The following ALB variants were observed in gnomAD, a reference collection of about 807,000 sequenced individuals.
The protein encoded by ALB is serum albumin.
A neutral mutation model predicts 74.5 loss-of-function variants in ALB; 37 were observed. The ratio of observed to expected loss-of-function variants is 0.50; its 90% CI spans 0.38 to 0.65. The LOEUF is 0.65. Among genes scored for constraint, ALB ranks in the 30% least tolerant of loss-of-function variants. ALB has a pLI of 0.00. For missense variants in ALB, 685 were observed against 718.7 expected, an observed-to-expected ratio of 0.95 and a Z score of 0.54; for synonymous variants, 249 against 251.6, an observed-to-expected ratio of 0.99 and a Z score of 0.10.
rs769214494 is a variant in ALB, at chr4:73,411,962, A to C, written c.714-34A>C. 4 of 1,613,614 alleles carry C rather than the reference A, an allele frequency of 2.5e-6. No homozygotes were observed. In the Admixed American group the frequency reaches 6.7e-5, roughly 27 times the overall value. On this transcript the variant is annotated intron_variant, in intron 6 of 14. Coordinates refer to ENST00000295897, the MANE Select transcript of ALB (RefSeq NM_000477.7). ...GTGTTTTCATATAAAATATCGCATG[A>C]TAATACCATTTTGATTGGCGATTTT... is the stretch of plus-strand genomic sequence containing the variant.
At position 73,417,573 on chromosome 4, in the gene ALB, T is replaced by G; in HGVS notation, c.1332T>G (p.Thr444=). 6.2e-7 allele frequency: 1 copy of G among 1,613,996 alleles called. No homozygotes were observed. The highest frequency in any genetic ancestry group is 1.1e-5 in the South Asian group (1 of 91,070). ...RYTKKVPQVS[T]PTLVEVSRNL... ...CCAAGAAAGTACCCCAAGTGTCAAC[T>G]CCAACTCTTGTAGAGGTCTCAAGAA... Residue 444 remains threonine, a synonymous_variant, in exon 11 of 15, where the codon ACT becomes ACG. Transcript: ENST00000295897.
chr4:73,408,877 A>C lies in ALB; in HGVS notation c.482+72A>C, dbSNP rs1455917690. On this transcript the variant is annotated intron_variant, in intron 4 of 14. Transcript: ENST00000295897. ...ACTCCATAGGCCAACACTCTATAAA[A>C]ATTACCATAACAAAAATATTTTCAA... The C allele has an allele frequency of 5.5e-6, 7 of 1,261,334 alleles. No homozygotes were observed. In the Admixed American group the frequency reaches 1.5e-4, roughly 27 times the overall value. 78.1% of individuals were successfully genotyped at this position (1,261,334 alleles called of 1,614,324 possible). A position where few individuals can be genotyped will look rare whatever the true frequency, so the allele number is the denominator to read the frequency against.
In ALB at chr4:73,418,308, A is replaced by T; in HGVS notation, c.1649A>T (p.Gln550Leu). The T allele has an allele frequency of 6.2e-7, 1 of 1,611,456 alleles. No homozygotes were observed. The highest frequency in any genetic ancestry group is 8.5e-7 in the Non-Finnish European group (1 of 1,178,152). ...LSEKERQIKKQTALVELVKHK... is the reference protein window; with the variant it reads ...LSEKERQIKKLTALVELVKHK... Reference sequence around the variant, plus strand: ...GAGAAGGAGAGACAAATCAAGAAACAAACGTGAGGAGTATTTCATTACTGC... The same window carrying T: ...GAGAAGGAGAGACAAATCAAGAAACTAACGTGAGGAGTATTTCATTACTGC... Residue 550 changes from glutamine (Q) to leucine (L), a missense_variant, in exon 12 of 15, where the codon CAA (glutamine) becomes CTA (leucine). By Grantham distance (113) the Gln-to-Leu change is moderately radical. Transcript: ENST00000295897.
In ALB at chr4:73,413,550, A is replaced by G. The variant is rs1488741659; in HGVS notation, c.974A>G (p.Asp325Gly). Reference protein sequence around the residue: ...AEVENDEMPADLPSLAADFVE... With the variant: ...AEVENDEMPAGLPSLAADFVE... Reference sequence around the variant, plus strand: ...GTGGAAAATGATGAGATGCCTGCTGACTTGCCTTCATTAGCTGCTGATTTT... The same window carrying G: ...GTGGAAAATGATGAGATGCCTGCTGGCTTGCCTTCATTAGCTGCTGATTTT... The change falls in exon 8 of 15, where the codon GAC (aspartate) becomes GGC (glycine). Residue 325 changes from aspartate (D) to glycine (G), a missense_variant. Transcript: ENST00000295897. 6.2e-7 allele frequency: 1 copy of G among 1,614,184 alleles called. No individual in the cohort carries two copies. Among genetic ancestry groups the G allele is most frequent in the Non-Finnish European group, 8.5e-7 (1 of 1,180,024 alleles).
intron 9 of ALB, 84 bp from the exon 10 acceptor site, chr4:73,416,172 T>A (rs114573198): frequency 7.7e-4 from 743 of 967,042 alleles, no homozygotes; most frequent in Non-Finnish European, 9.9e-4. Flanking sequence ...GAAGAAAGGA[T>A]ATCATTCTGA....
chr4:73,414,195 T>C (rs1718954074), intron 8 of ALB, among the ~76,000 whole-genome samples: 1 of 152,210 alleles, frequency 6.6e-6, no homozygotes, highest in Non-Finnish European at 1.5e-5. Flanking sequence ...AAACTGCATT[T>C]TTGTTGTTGG....
intron 8 of ALB, among the ~76,000 whole-genome samples, chr4:73,414,753 C>A (rs993768386): frequency 6.6e-6 from 1 of 152,166 alleles, no homozygotes; most frequent in Non-Finnish European, 1.5e-5. Context: ...CTGTGCCCAG[C>A]CGACAGATAC....
intron 3 of ALB, among the ~76,000 whole-genome samples, chr4:73,408,199 A>G (rs1167925850): frequency 6.6e-5 from 10 of 152,204 alleles, no homozygotes; most frequent in Non-Finnish European, 1.5e-4. Flanking sequence ...AAAGGGGGCA[A>G]ATGAAATGAG....
intron 10 of ALB, 39 bp from the exon 11 acceptor site, chr4:73,417,492 T>G: frequency 6.2e-7 from 1 of 1,612,888 alleles, no homozygotes; most frequent in Non-Finnish European, 8.5e-7. Flanking sequence ...GTTAGACAGT[T>G]TCTTGCCTTG....
Position 73,413,422 on chromosome 4 carries a change from G to A in ALB, c.846G>A (p.Ala282=), listed in dbSNP as rs1718928314. 6.8e-6 allele frequency: 11 copies of A among 1,613,134 alleles called. No individual in the cohort carries two copies. The highest frequency in any genetic ancestry group is 4.5e-5 in the East Asian group (2 of 44,884). Residue 282 remains alanine (A), a splice_region_variant and synonymous_variant, in exon 8 of 15, where the codon GCG becomes GCA. Coordinates refer to ENST00000295897, the MANE Select transcript of ALB (RefSeq NM_000477.7). ...GDLLECADDR[A]DLAKYICENQ... is the part of the protein sequence containing the mutation. Reference sequence around the variant, plus strand: ...AATTTCCACCAACTTACTTATAGGCGGACCTTGCCAAGTATATCTGTGAAA... The same window carrying A: ...AATTTCCACCAACTTACTTATAGGCAGACCTTGCCAAGTATATCTGTGAAA...
At chr4:73,417,390 C>T in intron 10 of ALB, 141 bp from the exon 11 acceptor site, 2 of 1,096,764 alleles carry the variant, frequency 1.8e-6, no homozygotes, top group South Asian at 2.6e-5. Flanking sequence ...CCTCCACTAA[C>T]CCACTACTCT....
rs200564366 is a variant in ALB, at chr4:73,413,591, G to A, written c.1015G>A (p.Val339Ile). 3.7e-6 allele frequency: 6 copies of A among 1,614,182 alleles called. No homozygotes were observed. The East Asian group carries it at 8.9e-5, about 24-fold the overall frequency. ...LAADFVESKD[V>I]CKNYAEAKDV... Reference sequence around the variant, plus strand: ...TGCTGATTTTGTTGAAAGTAAGGATGTTTGCAAAAACTATGCTGAGGCAAA... The same window carrying A: ...TGCTGATTTTGTTGAAAGTAAGGATATTTGCAAAAACTATGCTGAGGCAAA... The change falls in exon 8 of 15, where the codon GTT becomes ATT. Residue 339 changes from valine to isoleucine, a missense_variant. By Grantham distance (29) the Val-to-Ile change is conservative (BLOSUM62 3). Transcript: ENST00000295897.
intron 14 of ALB, 148 bp downstream of exon 14, chr4:73,420,469 C>A: frequency 1.9e-6 from 1 of 520,642 alleles, no homozygotes; most frequent in Non-Finnish European, 3.3e-6. Flanking sequence ...TTAAAATTCT[C>A]AAAATAGTTG....
Position 73,418,075 on chromosome 4 carries a change from G to A in ALB, c.1429-13G>A. 2.5e-6 allele frequency: 4 copies of A among 1,612,930 alleles called. No individual in the cohort carries two copies. The highest frequency in any genetic ancestry group is 3.4e-6 in the Non-Finnish European group (4 of 1,179,104). ...ACCTCTTTTGAATTTCTGCTCTCCT[G>A]CCTGTTCTTTAGCTATCCGTGGTCC... is the stretch of plus-strand genomic sequence containing the variant. On this transcript the variant is annotated splice_polypyrimidine_tract_variant and intron_variant, in intron 11 of 14. Coordinates refer to ENST00000295897, the MANE Select transcript of ALB (RefSeq NM_000477.7).
chr4:73,417,958 C>T lies in ALB; in HGVS notation c.1429-130C>T, dbSNP rs1577941633. On this transcript the variant is annotated intron_variant, in intron 11 of 14. Transcript: ENST00000295897. ...CCGCCTCCCAGGTTCAAGCCATTCT[C>T]CTGCCTCAGCCTCCCAAGTAGCTGG... 13 of 893,186 alleles carry T rather than the reference C, an allele frequency of 1.5e-5. No homozygotes were observed. In the East Asian group the frequency reaches 3.4e-4, roughly 24 times the overall value. The allele number at this position is 893,186 out of a possible 1,614,324, so 55.3% of individuals were successfully genotyped here.
intron 11 of ALB, 190 bp downstream of exon 11, chr4:73,417,859 T>C (rs1366382876): frequency 2.7e-6 from 2 of 754,032 alleles, no homozygotes; most frequent in African/African-American, 1.8e-5. Flanking sequence ...AATTTTTTTT[T>C]TTTTTTTGAG....
intron 1 of ALB, 52 bp from the exon 2 acceptor site, chr4:73,405,064 C>T (rs1414757062): frequency 6.7e-7 from 1 of 1,495,258 alleles, no homozygotes; most frequent in Non-Finnish European, 9.3e-7. Flanking sequence ...AACATTATTA[C>T]TTCTTGTTTT....
chr4:73,406,788 C>T, intron 3 of ALB, 27 bp downstream of exon 3: 1 of 1,612,770 alleles, frequency 6.2e-7, no homozygotes, highest in Non-Finnish European at 8.5e-7. Context: ...TGTGGAGATT[C>T]TTTCTTCTGT....
intron 12 of ALB, 133 bp downstream of exon 12, chr4:73,418,444 C>CA: frequency 1.3e-6 from 1 of 779,906 alleles, no homozygotes; most frequent in Non-Finnish European, 2.2e-6. Flanking sequence ...CCTTATTATG[C>CA]TGATAAGAGT....
Sources: allele counts gnomAD v4.1 joint callset (sites outside exome capture counted in the v4.1 genomes callset), GRCh38; gene constraint gnomAD v4.1.1; transcripts MANE v1.5; gene names NCBI Gene and HGNC (gene_info 2026-07-23, HGNC 2026-07-21).